DMXL1: variants seen among roughly 807,000 people sequenced by gnomAD.
DMXL1 encodes the protein dmX-like protein 1.
DMXL1 carries 99 observed loss-of-function variants against 319.2 expected under a neutral mutation model. The ratio of observed to expected loss-of-function variants is 0.31; its 90% CI spans 0.26 to 0.37. The LOEUF (loss-of-function observed/expected upper bound fraction) is 0.37, where lower values mean the gene tolerates loss of function less well. DMXL1 is among the 10% of genes least tolerant of loss of function. The pLI, the probability that DMXL1 is intolerant of heterozygous loss-of-function variation, is 1.00. For missense variants in DMXL1, 3,745 were observed against 3,595.6 expected (o/e 1.04, Z -1.06); for synonymous variants, 1,385 against 1,235.2 (o/e 1.12, Z -2.54).
At chr5:119,076,954 C>T (rs1751014684) in intron 1 of DMXL1, among the ~76,000 whole-genome samples, 1 of 152,106 alleles carries the variant, frequency 6.6e-6, no homozygotes, top group African/African-American at 2.4e-5. Flanking sequence ...TTTCATTTGT[C>T]AATTTAATTT....
intron 9 of DMXL1, among the ~76,000 whole-genome samples, chr5:119,128,606 G>T (rs1764120318): frequency 1.3e-5 from 2 of 152,180 alleles, no homozygotes; most frequent in Admixed American, 1.3e-4. Context: ...TAGACGTTGG[G>T]TGATAGTGAT....
Position 119,089,300 on chromosome 5 carries a change from T to A in DMXL1, c.88-8679T>A, listed in dbSNP as rs1247402336. On this transcript the variant is annotated intron_variant, in intron 1 of 43. Transcript: ENST00000539542. ...TACATATATATATATATATTTTTTT[T>A]TTTTTTTTTTTTTTTTTTTTTTTGA... 4.7e-3 allele frequency among the ~76,000 whole-genome samples: 286 copies of A among 61,196 alleles called. 1 individual carries two copies. The highest frequency in any genetic ancestry group is 0.038 in the East Asian group (24 of 628). 40.1% of individuals were successfully genotyped at this position (61,196 alleles called of 152,430 possible). A position where few individuals can be genotyped will look rare whatever the true frequency, so the allele number is the denominator to read the frequency against.
At chr5:119,242,912 AC>A (rs1174443723) in intron 42 of DMXL1, among the ~76,000 whole-genome samples, 4 of 152,218 alleles carry the variant, frequency 2.6e-5, no homozygotes, top group African/African-American at 4.8e-5. Context: ...AAAAAATTGA[AC>A]CCAGATACAG....
At position 119,105,272 on chromosome 5, in the gene DMXL1, C is replaced by G; in HGVS notation, c.364+14C>G. ...GGGATCCCACAGGTAAGAAAATAAGCAGGATTAACTAAAATGAAATATCAC... is the reference window on the plus strand; with the variant it reads ...GGGATCCCACAGGTAAGAAAATAAGGAGGATTAACTAAAATGAAATATCAC... On this transcript the variant is annotated intron_variant, in intron 4 of 43. Transcript: ENST00000539542. 1 of 1,594,610 alleles carries G rather than the reference C, an allele frequency of 6.3e-7. No individual in the cohort carries two copies. Among genetic ancestry groups the G allele is most frequent in the Non-Finnish European group, 8.6e-7 (1 of 1,163,332 alleles).
chr5:119,195,102 CTGGCAAGGATGAGGAGAAA>C, intron 30 of DMXL1, among the ~76,000 whole-genome samples: 1 of 151,836 alleles, frequency 6.6e-6, no homozygotes, highest in Non-Finnish European at 1.5e-5. Context: ...AATAACAGTG[CTGGCAAGGATGAGGAGAAA>C]TTGGAATCTT....
At chr5:119,154,456 G>A (rs1238758255) in intron 19 of DMXL1, among the ~76,000 whole-genome samples, 1 of 152,192 alleles carries the variant, frequency 6.6e-6, no homozygotes, top group East Asian at 1.9e-4. Context: ...TAGATGGATC[G>A]AACTAGCCAC....
intron 1 of DMXL1, among the ~76,000 whole-genome samples, chr5:119,093,605 A>G (rs1295877640): frequency 1.3e-5 from 2 of 152,236 alleles, no homozygotes; most frequent in African/African-American, 4.8e-5. Context: ...GTGTTCAGAA[A>G]GGAAGAGTTA....
rs1225297549 is a variant in DMXL1 at position 119,170,696 on chromosome 5, G to T, written c.5905G>T (p.Asp1969Tyr). ...FQDDSLELKWDSDNDEENEDV... is the reference protein window; with the variant it reads ...FQDDSLELKWYSDNDEENEDV... The stretch of plus-strand genomic sequence containing the variant: ...GGATGACTCTTTAGAGTTAAAATGG[G>T]ACAGTGATAATGATGAAGAAAATGA... The change falls in exon 24 of 44, where the codon GAC becomes TAC. Residue 1969 changes from aspartate to tyrosine, a missense_variant. Around this residue, in one of 4 missense-constraint regions of DMXL1, gnomAD observed 1,382 missense variants for 1,269.5 expected, o/e 1.09. Transcript: ENST00000539542. 2 of 1,613,220 alleles carry T rather than the reference G, an allele frequency of 1.2e-6. No individual in the cohort carries two copies. The highest frequency in any genetic ancestry group is 1.7e-6 in the Non-Finnish European group (2 of 1,179,832).
chr5:119,087,639 G>A (rs1056687034), intron 1 of DMXL1, among the ~76,000 whole-genome samples: 18 of 152,060 alleles, frequency 1.2e-4, no homozygotes, highest in African/African-American at 4.3e-4. Flanking sequence ...CAGCGGTTAG[G>A]TGGGTGTTCT....
rs141544288 is a variant in DMXL1, at chr5:119,151,509, A to G, written c.4595-420A>G. ...TTTTATGTTTTTAGTTTTTGCTTCAAGGAAAAAATATCAGGCCCTCCCACC... is the reference window on the plus strand; with the variant it reads ...TTTTATGTTTTTAGTTTTTGCTTCAGGGAAAAAATATCAGGCCCTCCCACC... On this transcript the variant is annotated intron_variant, in intron 18 of 43. Transcript: ENST00000539542. 6.5e-4 allele frequency among the ~76,000 whole-genome samples: 99 copies of G among 152,260 alleles called. 1 individual carries two copies. The East Asian group carries it at 0.018, about 27-fold the overall frequency.
chr5:119,239,638 T>G (rs1158093915), intron 41 of DMXL1, among the ~76,000 whole-genome samples: 1 of 152,216 alleles, frequency 6.6e-6, no homozygotes, highest in Non-Finnish European at 1.5e-5. Context: ...ATTTTTAAGC[T>G]ATAATAGTAG....
Position 119,133,626 on chromosome 5 carries a change from G to A in DMXL1, c.1702G>A (p.Gly568Ser), listed in dbSNP as rs762816087. The A allele has an allele frequency of 1.2e-5, 20 of 1,614,070 alleles. No homozygotes were observed. Among genetic ancestry groups the A allele is most frequent in the Admixed American group, 1.0e-4 (6 of 60,022 alleles). Residue 568 changes from glycine to serine, a missense_variant, in exon 12 of 44, where the codon GGC becomes AGC. Gly to Ser is a moderately conservative substitution (Grantham distance 56). This residue lies in a region of DMXL1 where 2,096 missense variants were observed against 1,985.4 expected (regional missense o/e 1.06). Transcript: ENST00000539542. ...AIQQGKQKPSGLTRSTSMLIS... is the reference protein window; with the variant it reads ...AIQQGKQKPSSLTRSTSMLIS... ...TCAGCAGGGGAAACAAAAACCTTCT[G>A]GCCTCACCCGTTCCACATCAATGCT...
chr5:119,197,076 A>G (rs79351581), intron 31 of DMXL1, among the ~76,000 whole-genome samples: 3,293 of 152,314 alleles, frequency 0.022, 105 homozygotes, highest in African/African-American at 0.075. Flanking sequence ...TGAGATCAGT[A>G]CTCAAGAGTA....
intron 43 of DMXL1, among the ~76,000 whole-genome samples, chr5:119,244,853 A>G (rs1561958781): frequency 6.6e-6 from 1 of 152,216 alleles, no homozygotes; most frequent in East Asian, 1.9e-4. Flanking sequence ...TCTTGACTCC[A>G]TGTTCAGAGT....
At chr5:119,210,953 C>G (rs1349521569) in intron 34 of DMXL1, among the ~76,000 whole-genome samples, 1 of 149,150 alleles carries the variant, frequency 6.7e-6, no homozygotes, top group Non-Finnish European at 1.5e-5. Context: ...CTTTGCATTC[C>G]TACTTTGTTA....
At chr5:119,220,740 C>G in intron 36 of DMXL1, 147 bp downstream of exon 36, 4 of 1,191,886 alleles carry the variant, frequency 3.4e-6, no homozygotes, top group Non-Finnish European at 4.6e-6. Context: ...GTGGCAAGAG[C>G]TTTAAATAAG....
intron 40 of DMXL1, 42 bp downstream of exon 40, chr5:119,237,456 C>G (rs913577881): frequency 1.6e-6 from 2 of 1,247,504 alleles, no homozygotes; most frequent in Non-Finnish European, 2.3e-6. Context: ...TTTGAATTTT[C>G]ATTTTAAATA....
chr5:119,171,763 C>T lies in DMXL1; in HGVS notation c.6490-15C>T, dbSNP rs775725284. On this transcript the variant is annotated splice_polypyrimidine_tract_variant and intron_variant, in intron 24 of 43. Transcript: ENST00000539542. ...TAAATAGTTGGTTAACCTTTTATCC[C>T]TCTTTGTTTTTAAGGAAACATCAGA... 5.7e-6 allele frequency: 9 copies of T among 1,592,226 alleles called. No individual in the cohort carries two copies. In the African/African-American group the frequency reaches 8.1e-5, roughly 14 times the overall value.
chr5:119,071,371 C>CCCCTCCGGGCCTCG lies in DMXL1; in HGVS notation c.-189_-176dup, dbSNP rs1315035820. The CCCCTCCGGGCCTCG allele has an allele frequency of 1.8e-6, 1 of 560,684 alleles. No individual in the cohort carries two copies. The highest frequency in any genetic ancestry group is 3.1e-6 in the Non-Finnish European group (1 of 322,172). The allele number at this position is 560,684 out of a possible 1,614,324, so 34.7% of individuals were successfully genotyped here. On this transcript the variant is annotated 5_prime_UTR_variant, in exon 1 of 44. Coordinates refer to ENST00000539542, the MANE Select transcript of DMXL1 (RefSeq NM_001290321.3). Reference sequence around the variant, plus strand: ...GCGCTCCGCCCTCTCGCCGACCCGCCCCCTCCGGGCCTCGCCCTCCGGGGC... The same window carrying CCCCTCCGGGCCTCG: ...GCGCTCCGCCCTCTCGCCGACCCGCCCCCTCCGGGCCTCGCCCTCCGGGCCTCGCCCTCCGGGGC...
Sources: allele counts gnomAD v4.1 joint callset (sites outside exome capture counted in the v4.1 genomes callset), GRCh38; gene constraint gnomAD v4.1.1; regional missense constraint gnomAD v4.1.1; transcripts MANE v1.5; gene names NCBI Gene and HGNC (gene_info 2026-07-23, HGNC 2026-07-21).